The following PDE3A variants were observed in gnomAD, a reference collection of about 807,000 sequenced individuals.
The protein encoded by PDE3A is phosphodiesterase 3A, also known as cGMP-inhibited 3',5'-cyclic phosphodiesterase 3A.
Under a neutral mutation model 98.3 loss-of-function variants are expected in PDE3A, and 43 were observed. The ratio of observed to expected loss-of-function variants is 0.44; its 90% CI spans 0.34 to 0.56. The LOEUF (loss-of-function observed/expected upper bound fraction) is 0.56. PDE3A is among the 20% of genes least tolerant of loss of function. The probability of loss-of-function intolerance (pLI) is 0.01; values close to 1 mark genes in which losing one functional copy is unlikely to be tolerated. For synonymous variants in PDE3A, 663 were observed against 567.9 expected (o/e 1.17, Z -2.38); for missense variants, 1,427 against 1,440.7 (o/e 0.99, Z 0.15).
In PDE3A at chr12:20,368,753, G is replaced by T. The variant is rs1455929293; in HGVS notation, c.-532G>T. 6.6e-6 allele frequency among the ~76,000 whole-genome samples: 1 copy of T among 152,036 alleles called. No homozygotes were observed. Among genetic ancestry groups the T allele is most frequent in the East Asian group, 1.9e-4 (1 of 5,134 alleles). On this transcript the variant is annotated 5_prime_UTR_variant, in exon 1 of 16. Coordinates refer to ENST00000359062, the MANE Select transcript of PDE3A (RefSeq NM_000921.5). Reference sequence around the variant, plus strand: ...AAGAAAGAGTGATAGAAAAAGAGCTGCAGGAAGGAGGAGAAGGGAGACCTC... The same window carrying T: ...AAGAAAGAGTGATAGAAAAAGAGCTTCAGGAAGGAGGAGAAGGGAGACCTC...
At chr12:20,547,406 GTGCTTTGCACATAATA>G (rs1248204620) in intron 1 of PDE3A, among the ~76,000 whole-genome samples, 2 of 152,198 alleles carry the variant, frequency 1.3e-5, no homozygotes, top group Admixed American at 1.3e-4. Flanking sequence ...GCCTAGAACA[GTGCTTTGCACATAATA>G]TGCATACAAT....
At chr12:20,555,113 TC>T (rs1942334905) in intron 1 of PDE3A, among the ~76,000 whole-genome samples, 1 of 151,936 alleles carries the variant, frequency 6.6e-6, no homozygotes, top group African/African-American at 2.4e-5. Flanking sequence ...AACCTCTGCC[TC>T]CCAGGTTCAA....
At chr12:20,623,173 C>T (rs970806214) in intron 5 of PDE3A, among the ~76,000 whole-genome samples, 28 of 151,810 alleles carry the variant, frequency 1.8e-4, no homozygotes, top group African/African-American at 6.8e-4. Context: ...AAGAAATTAT[C>T]CAGAAAGCAA....
chr12:20,650,832 A>C (rs892718939), intron 14 of PDE3A, among the ~76,000 whole-genome samples: 6 of 152,044 alleles, frequency 3.9e-5, no homozygotes, highest in African/African-American at 1.4e-4. Context: ...TTGGGGGAAG[A>C]AGATATTGAG....
At chr12:20,375,773 A>C (rs185161780) in intron 1 of PDE3A, among the ~76,000 whole-genome samples, 1 of 152,084 alleles carries the variant, frequency 6.6e-6, no homozygotes, top group East Asian at 1.9e-4. Flanking sequence ...AGTGAACATA[A>C]GAAAAAGGGA....
At position 20,544,488 on chromosome 12, in the gene PDE3A, A is replaced by G. The variant is rs553821198; in HGVS notation, c.961-12172A>G. 8.8e-4 allele frequency among the ~76,000 whole-genome samples: 133 copies of G among 151,914 alleles called. 1 individual carries two copies. The highest frequency in any genetic ancestry group is 3.1e-3 in the African/African-American group (129 of 41,410). ...AGGGTGGAAAATGGATTCTGGAGAA[A>G]TAAACCCATCATATTAACTATAACC... On this transcript the variant is annotated intron_variant, in intron 1 of 15. Coordinates refer to ENST00000359062, the MANE Select transcript of PDE3A (RefSeq NM_000921.5).
chr12:20,453,775 A>G (rs1198967634), intron 1 of PDE3A, among the ~76,000 whole-genome samples: 1 of 152,052 alleles, frequency 6.6e-6, no homozygotes, highest in East Asian at 1.9e-4. Context: ...TTTCTCTTAC[A>G]TCTCAGATTC....
chr12:20,429,198 G>A (rs1260207944), intron 1 of PDE3A, among the ~76,000 whole-genome samples: 1 of 152,164 alleles, frequency 6.6e-6, no homozygotes, highest in East Asian at 1.9e-4. Flanking sequence ...ATAGTGAATT[G>A]CTTTACGGGG....
intron 1 of PDE3A, among the ~76,000 whole-genome samples, chr12:20,477,205 A>T (rs964088882): frequency 1.4e-4 from 21 of 152,222 alleles, no homozygotes; most frequent in African/African-American, 4.6e-4. Flanking sequence ...TGTCCGTTGC[A>T]TATATAACCT....
chr12:20,478,906 A>C (rs1945576123), intron 1 of PDE3A, among the ~76,000 whole-genome samples: 1 of 152,228 alleles, frequency 6.6e-6, no homozygotes, highest in Non-Finnish European at 1.5e-5. Context: ...AATGTCTACC[A>C]GCCTTCTGAA....
chr12:20,474,099 C>A (rs566688409), intron 1 of PDE3A, among the ~76,000 whole-genome samples: 2 of 152,184 alleles, frequency 1.3e-5, no homozygotes, highest in Non-Finnish European at 2.9e-5. Flanking sequence ...ACACTCTCCC[C>A]GGCAGGGTGG....
At chr12:20,463,230 G>T (rs1365731746) in intron 1 of PDE3A, among the ~76,000 whole-genome samples, 2 of 152,046 alleles carry the variant, frequency 1.3e-5, no homozygotes, top group South Asian at 2.1e-4. Flanking sequence ...TAAGTTCCAG[G>T]TATCAAAATT....
intron 1 of PDE3A, among the ~76,000 whole-genome samples, chr12:20,547,321 T>A (rs1354187442): frequency 6.6e-6 from 1 of 152,184 alleles, no homozygotes; most frequent in Non-Finnish European, 1.5e-5. Flanking sequence ...TCTGTGTTTA[T>A]CTTCTTCCTT....
At chr12:20,458,047 A>G (rs1945182204) in intron 1 of PDE3A, among the ~76,000 whole-genome samples, 1 of 151,902 alleles carries the variant, frequency 6.6e-6, no homozygotes, top group African/African-American at 2.4e-5. Context: ...TTTCTTCTTC[A>G]TTTCAGAAAT....
chr12:20,577,065 TA>T (rs1006543101), intron 2 of PDE3A, among the ~76,000 whole-genome samples: 6 of 152,034 alleles, frequency 3.9e-5, no homozygotes, highest in African/African-American at 1.4e-4. Flanking sequence ...GGGAAAATAT[TA>T]AATCTTCCCA....
At chr12:20,378,479 G>T (rs1943609995) in intron 1 of PDE3A, among the ~76,000 whole-genome samples, 1 of 151,568 alleles carries the variant, frequency 6.6e-6, no homozygotes, top group Non-Finnish European at 1.5e-5. Flanking sequence ...TTGGGACAGG[G>T]TATATTACTT....
chr12:20,509,614 T>C (rs1167581215), intron 1 of PDE3A, among the ~76,000 whole-genome samples: 1 of 152,122 alleles, frequency 6.6e-6, no homozygotes, highest in African/African-American at 2.4e-5. Context: ...TCCCAGCAGG[T>C]ATCTCTGCCT....
rs777927679 is a variant in PDE3A at position 20,541,075 on chromosome 12, C to CT, written c.961-15546dup. On this transcript the variant is annotated intron_variant, in intron 1 of 15. Transcript: ENST00000359062. Reference sequence around the variant, plus strand: ...AATTGACAAGGACATTGGTAACTTTCTTTTTTTTTTTTTTTTTTTTTTTTT... The same window carrying CT: ...AATTGACAAGGACATTGGTAACTTTCTTTTTTTTTTTTTTTTTTTTTTTTTT... 3.5e-3 allele frequency among the ~76,000 whole-genome samples: 188 copies of CT among 52,984 alleles called. 58 individuals carry two copies. The highest frequency in any genetic ancestry group is 4.8e-3 in the Non-Finnish European group (138 of 28,684). The allele number at this position is 52,984 out of a possible 152,430, so 34.8% of individuals were successfully genotyped here.
intron 1 of PDE3A, among the ~76,000 whole-genome samples, chr12:20,474,146 T>C (rs1297554707): frequency 6.6e-6 from 1 of 152,180 alleles, no homozygotes; most frequent in Non-Finnish European, 1.5e-5. Flanking sequence ...ACAAATATGA[T>C]GGGTGTAAAA....
Sources: allele counts gnomAD v4.1 joint callset (sites outside exome capture counted in the v4.1 genomes callset), GRCh38; gene constraint gnomAD v4.1.1; transcripts MANE v1.5; gene names NCBI Gene and HGNC (gene_info 2026-07-23, HGNC 2026-07-21).